PRKN: variants seen among roughly 807,000 people sequenced by gnomAD.
The protein encoded by PRKN is E3 ubiquitin-protein ligase parkin.
A neutral mutation model predicts 59.5 loss-of-function variants in PRKN; 56 were observed. The ratio of observed to expected loss-of-function variants is 0.94; its 90% CI spans 0.76 to 1.18. PRKN has a LOEUF of 1.18. Among genes scored for constraint, PRKN ranks in the 50% most tolerant of loss-of-function variants. PRKN has a pLI of 0.00. For synonymous variants in PRKN, 250 were observed against 222.1 expected (o/e 1.13, Z -1.12); for missense variants, 657 against 596.4 (o/e 1.10, Z -1.06).
chr6:161,771,181 C>A (rs1056494545), intron 7 of PRKN, among the ~76,000 whole-genome samples: 2 of 151,552 alleles, frequency 1.3e-5, no homozygotes, highest in Non-Finnish European at 2.9e-5. Context: ...ACGGTGAAAC[C>A]CTGTCTCTAC....
chr6:162,049,235 A>C (rs944063542), intron 5 of PRKN, among the ~76,000 whole-genome samples: 9 of 147,512 alleles, frequency 6.1e-5, no homozygotes, highest in African/African-American at 2.4e-4. Flanking sequence ...TTCTAAGTAC[A>C]TGGATATTTT....
rs1316285919 is a variant in PRKN at position 161,548,810 on chromosome 6, C to A, written c.1083+44G>T. On this transcript the variant is annotated intron_variant, in intron 9 of 11. Coordinates refer to ENST00000366898, the MANE Select transcript of PRKN (RefSeq NM_004562.3). The surrounding 1 kb of genome is among the most constrained non-coding windows in gnomAD (Gnocchi z 4.2). ...ATCCCAGCCCATGTGCAAAAGCAAA[C>A]AAGGACAGGAACACACCGCTCCAGG... 1 of 1,590,984 alleles carries A rather than the reference C, an allele frequency of 6.3e-7. No homozygotes were observed. Among genetic ancestry groups the A allele is most frequent in the Non-Finnish European group, 8.6e-7 (1 of 1,162,082 alleles).
At chr6:162,566,484 T>C (rs778653280) in intron 1 of PRKN, among the ~76,000 whole-genome samples, 41 of 152,112 alleles carry the variant, frequency 2.7e-4, no homozygotes, top group African/African-American at 8.2e-4. Context: ...CAAAGGATCA[T>C]TAGTGGCTAC....
intron 2 of PRKN, among the ~76,000 whole-genome samples, chr6:162,332,120 G>A (rs925904707): frequency 6.6e-6 from 1 of 152,116 alleles, no homozygotes; most frequent in Admixed American, 6.6e-5. Flanking sequence ...ATCCAGGCAT[G>A]TGGTTTCTTT....
chr6:161,964,830 T>C (rs1177426714), intron 6 of PRKN, among the ~76,000 whole-genome samples: 1 of 152,090 alleles, frequency 6.6e-6, no homozygotes, highest in Non-Finnish European at 1.5e-5. Context: ...AGATCCCATC[T>C]GATCCCTAAA....
intron 6 of PRKN, among the ~76,000 whole-genome samples, chr6:161,940,675 C>T (rs1039188066): frequency 3.9e-5 from 6 of 152,142 alleles, no homozygotes; most frequent in African/African-American, 1.4e-4. Flanking sequence ...TAGTTCATGA[C>T]CATAAGTTAA....
chr6:161,630,110 T>A (rs1783244229), intron 7 of PRKN, among the ~76,000 whole-genome samples: 1 of 152,168 alleles, frequency 6.6e-6, no homozygotes, highest in African/African-American at 2.4e-5. Context: ...TTGATTGAAT[T>A]TCACCCTGAA....
chr6:162,383,581 T>C (rs558553470), intron 2 of PRKN, among the ~76,000 whole-genome samples: 2 of 152,310 alleles, frequency 1.3e-5, no homozygotes, highest in South Asian at 4.1e-4. Flanking sequence ...AGATTCAGCA[T>C]AATCCTTAAG....
intron 5 of PRKN, among the ~76,000 whole-genome samples, chr6:162,048,181 C>G (rs1777457902): frequency 6.6e-6 from 1 of 152,122 alleles, no homozygotes; most frequent in South Asian, 2.1e-4. Flanking sequence ...TTCTGCCTCT[C>G]AAAAATAGAT....
intron 6 of PRKN, among the ~76,000 whole-genome samples, chr6:161,801,425 A>T (rs773061524): frequency 1.3e-5 from 2 of 152,212 alleles, no homozygotes; most frequent in Middle Eastern, 3.2e-3. Context: ...ATCCATGGAG[A>T]GATGGCAATC....
rs138767100 is a variant in PRKN at position 161,581,297 on chromosome 6, G to A, written c.872-11881C>T. ...TAAAGCTACTGCAGTGAAAGAACCT[G>A]TCAAAGGTCATTTCACTACTTCTGT... On this transcript the variant is annotated intron_variant, in intron 7 of 11. Coordinates refer to ENST00000366898, the MANE Select transcript of PRKN (RefSeq NM_004562.3). This position sits in a 1 kb window ranked among gnomAD's most constrained non-coding sequence, Gnocchi z 4.5. Among the ~76,000 whole-genome samples, 3 of 152,286 alleles carry A rather than the reference G, an allele frequency of 2.0e-5. No individual in the cohort carries two copies. Among genetic ancestry groups the A allele is most frequent in the Non-Finnish European group, 4.4e-5 (3 of 68,026 alleles).
intron 4 of PRKN, among the ~76,000 whole-genome samples, chr6:162,101,699 T>A (rs1220354009): frequency 6.6e-6 from 1 of 151,944 alleles, no homozygotes; most frequent in Non-Finnish European, 1.5e-5. Flanking sequence ...TGACTGTATA[T>A]GTGTGGATTT....
At chr6:162,449,926 C>A (rs949603887) in intron 1 of PRKN, among the ~76,000 whole-genome samples, 2 of 152,130 alleles carry the variant, frequency 1.3e-5, no homozygotes, top group Admixed American at 1.3e-4. Flanking sequence ...AGTACAGTTA[C>A]GTAAAGGGAG....
intron 1 of PRKN, among the ~76,000 whole-genome samples, chr6:162,524,198 C>T (rs1005660450): frequency 6.6e-6 from 1 of 152,108 alleles, no homozygotes. Context: ...TGTGTAGGAG[C>T]TATTGTAACC....
At chr6:162,217,774 G>T (rs551402555) in intron 3 of PRKN, among the ~76,000 whole-genome samples, 1 of 152,272 alleles carries the variant, frequency 6.6e-6, no homozygotes, top group South Asian at 2.1e-4. Flanking sequence ...TCCTATTAGC[G>T]CAAGGGAGAC....
In PRKN at chr6:162,418,664, AG is replaced by A. The variant is rs1279834174; in HGVS notation, c.171+24645del. Among the ~76,000 whole-genome samples, 83 of 77,730 alleles carry A rather than the reference AG, an allele frequency of 1.1e-3. 1 individual carries two copies. Among genetic ancestry groups the A allele is most frequent in the African/African-American group, 4.7e-3 (63 of 13,350 alleles). The allele number at this position is 77,730 out of a possible 152,430, so 51.0% of individuals were successfully genotyped here. On this transcript the variant is annotated intron_variant, in intron 2 of 11. Transcript: ENST00000366898. The stretch of plus-strand genomic sequence containing the variant: ...TGTGTGTGTGTATGCGTGTGTGTTG[AG>A]GGGGGGGATGGCTGGAACCTGTGGA...
At chr6:162,691,864 G>C (rs1459569592) in intron 1 of PRKN, among the ~76,000 whole-genome samples, 2 of 152,044 alleles carry the variant, frequency 1.3e-5, no homozygotes, top group Middle Eastern at 6.3e-3. Context: ...AGCAGCCTGG[G>C]GTAAATCTGT....
intron 1 of PRKN, among the ~76,000 whole-genome samples, chr6:162,684,927 G>A (rs1186479261): frequency 6.6e-6 from 1 of 152,074 alleles, no homozygotes; most frequent in Non-Finnish European, 1.5e-5. Flanking sequence ...CCTTTAAAAT[G>A]TAACTTAAAA....
chr6:161,491,860 G>C (rs1238813158), intron 9 of PRKN, among the ~76,000 whole-genome samples: 1 of 152,098 alleles, frequency 6.6e-6, no homozygotes, highest in Admixed American at 6.5e-5. Context: ...TCGAACTCCT[G>C]ACCTCAGGTG....
Sources: gnomAD v4.1 joint callset for allele counts (sites outside exome capture counted in the v4.1 genomes callset) on GRCh38, gnomAD v4.1.1 for gene constraint, Gnocchi (gnomAD v3.1) non-coding constraint, MANE v1.5 for transcripts, NCBI Gene and HGNC (gene_info 2026-07-23, HGNC 2026-07-21) for gene names.